HIBADH: variants seen among roughly 807,000 people sequenced by gnomAD.
HIBADH encodes 3-hydroxyisobutyrate dehydrogenase, mitochondrial.
HIBADH carries 25 observed loss-of-function variants against 36.1 expected under a neutral mutation model. That is an observed-to-expected ratio of 0.69 (90% CI 0.50 to 0.97). The LOEUF (loss-of-function observed/expected upper bound fraction) is 0.97, where lower values mean the gene tolerates loss of function less well. Among genes scored for constraint, HIBADH ranks in the 50% least tolerant of loss-of-function variants. The pLI is 0.00. For synonymous variants in HIBADH, 160 were observed against 149.5 expected (o/e 1.07, Z -0.51); for missense variants, 421 against 418.0 (o/e 1.01, Z -0.06).
At chr7:27,570,578 T>C (rs1422630742) in intron 4 of HIBADH, among the ~76,000 whole-genome samples, 2 of 151,990 alleles carry the variant, frequency 1.3e-5, no homozygotes, top group Admixed American at 6.5e-5. Context: ...TCTGGAGTGA[T>C]AGAAACTCCC....
chr7:27,628,223 A>C (rs573939373), intron 4 of HIBADH, among the ~76,000 whole-genome samples: 1 of 152,226 alleles, frequency 6.6e-6, no homozygotes, highest in East Asian at 1.9e-4. Flanking sequence ...TCAATATAAC[A>C]ATCAGAAGAG....
chr7:27,543,122 G>A (rs1784182737), intron 4 of HIBADH, 22 bp from the exon 5 acceptor site: 1 of 1,611,138 alleles, frequency 6.2e-7, no homozygotes, highest in African/African-American at 1.3e-5. Flanking sequence ...GGGGGTAAAG[G>A]GATAGAAGCA....
intron 4 of HIBADH, among the ~76,000 whole-genome samples, chr7:27,611,098 G>GT (rs1195914970): frequency 6.6e-6 from 1 of 152,108 alleles, no homozygotes; most frequent in Non-Finnish European, 1.5e-5. Context: ...ATAAAATTTG[G>GT]TTTTCTGGTA....
intron 4 of HIBADH, among the ~76,000 whole-genome samples, chr7:27,609,212 C>T (rs1785282863): frequency 6.6e-6 from 1 of 152,210 alleles, no homozygotes; most frequent in Non-Finnish European, 1.5e-5. Context: ...CGACAAACTG[C>T]TGGAGCTGCC....
intron 4 of HIBADH, among the ~76,000 whole-genome samples, chr7:27,565,747 C>G (rs1437902621): frequency 6.6e-6 from 1 of 152,126 alleles, no homozygotes; most frequent in Non-Finnish European, 1.5e-5. Context: ...TAGTCTTTCA[C>G]TACAAAGTAT....
In HIBADH at chr7:27,543,031, G is replaced by A. The variant is rs761707613; in HGVS notation, c.554C>T (p.Ala185Val). 6.2e-7 allele frequency: 1 copy of A among 1,613,794 alleles called. No homozygotes were observed. Among genetic ancestry groups the A allele is most frequent in the East Asian group, 2.2e-5 (1 of 44,852 alleles). Reference protein sequence around the residue: ...VGGVEDEFAAAQELLGCMGSN... With the variant: ...VGGVEDEFAAVQELLGCMGSN... ...GCCCATGCACCCCAGCAACTCTTGG[G>A]CAGCAGCAAATTCATCTTCAACTCC... The change falls in exon 5 of 8, where the codon GCC becomes GTC. Residue 185 changes from alanine to valine, a missense_variant. Physicochemically the swap from Ala to Val is moderately conservative, Grantham distance 64 (BLOSUM62 0). Transcript: ENST00000265395.
At chr7:27,659,939 C>T (rs1000343008) in intron 1 of HIBADH, among the ~76,000 whole-genome samples, 4 of 152,060 alleles carry the variant, frequency 2.6e-5, no homozygotes, top group Non-Finnish European at 5.9e-5. Flanking sequence ...ACCCTGCAAT[C>T]CTAACTACTT....
chr7:27,537,050 T>C (rs1407312010), intron 6 of HIBADH, among the ~76,000 whole-genome samples: 2 of 152,208 alleles, frequency 1.3e-5, no homozygotes, highest in African/African-American at 2.4e-5. Flanking sequence ...AGAATGAACA[T>C]GAAAACAAGT....
chr7:27,640,511 CAGAG>C (rs1168321373), intron 2 of HIBADH, among the ~76,000 whole-genome samples: 3 of 152,164 alleles, frequency 2.0e-5, no homozygotes, highest in African/African-American at 7.2e-5. Flanking sequence ...GCCTGGGTGA[CAGAG>C]AGAGACCCTG....
At chr7:27,625,006 C>A (rs971181713) in intron 4 of HIBADH, among the ~76,000 whole-genome samples, 5 of 151,892 alleles carry the variant, frequency 3.3e-5, no homozygotes, top group African/African-American at 9.7e-5. Flanking sequence ...ATGTATATCA[C>A]AATAGAAAGA....
chr7:27,645,063 TGATA>T (rs1786037657), intron 2 of HIBADH, among the ~76,000 whole-genome samples: 2 of 152,210 alleles, frequency 1.3e-5, no homozygotes, highest in Non-Finnish European at 2.9e-5. Flanking sequence ...TTCTATCCGC[TGATA>T]GATTTTTGCG....
intron 4 of HIBADH, among the ~76,000 whole-genome samples, chr7:27,552,551 TA>T (rs1345319695): frequency 6.6e-6 from 1 of 152,212 alleles, no homozygotes; most frequent in Non-Finnish European, 1.5e-5. Context: ...TCTGCTGCAT[TA>T]TGCACAAAGC....
chr7:27,615,151 C>T (rs1272949507), intron 4 of HIBADH, among the ~76,000 whole-genome samples: 6 of 151,972 alleles, frequency 3.9e-5, no homozygotes, highest in East Asian at 3.9e-4. Flanking sequence ...AAGCAGTTGC[C>T]GGGGTAAATA....
rs60189109 is a variant in HIBADH at position 27,589,033 on chromosome 7, T to C, written c.484+40338A>G. ...GTATGTGAATAATATGTATGAAAATTAGGAACTATCTGCATTTGCAGGGAC... is the reference window on the plus strand; with the variant it reads ...GTATGTGAATAATATGTATGAAAATCAGGAACTATCTGCATTTGCAGGGAC... On this transcript the variant is annotated intron_variant, in intron 4 of 7. Coordinates refer to ENST00000265395, the MANE Select transcript of HIBADH (RefSeq NM_152740.4). 4.8e-3 allele frequency among the ~76,000 whole-genome samples: 728 copies of C among 152,324 alleles called. 5 individuals are homozygous for C. The highest frequency in any genetic ancestry group is 0.017 in the African/African-American group (701 of 41,564).
At position 27,662,683 on chromosome 7, in the gene HIBADH, G is replaced by C; in HGVS notation, c.91+15C>G. ...CCGAAAGAAGGACAAGGGGGAGGAG[G>C]CGTGAGGTCCTTACCCGCTGCAAAG... On this transcript the variant is annotated intron_variant, in intron 1 of 7. Coordinates refer to ENST00000265395, the MANE Select transcript of HIBADH (RefSeq NM_152740.4). The C allele has an allele frequency of 7.7e-7, 1 of 1,300,268 alleles. No homozygotes were observed. Among genetic ancestry groups the C allele is most frequent in the Non-Finnish European group, 9.9e-7 (1 of 1,011,634 alleles). 80.5% of individuals were successfully genotyped at this position (1,300,268 alleles called of 1,614,324 possible).
At position 27,634,237 on chromosome 7, in the gene HIBADH, CTA is replaced by C. The variant is rs1014519670; in HGVS notation, c.253-1794_253-1793del. 7.5e-4 allele frequency among the ~76,000 whole-genome samples: 114 copies of C among 152,216 alleles called. 2 individuals carry two copies. The highest frequency in any genetic ancestry group is 2.5e-3 in the African/African-American group (105 of 41,536). On this transcript the variant is annotated intron_variant, in intron 2 of 7. Transcript: ENST00000265395. ...AGATATTCTCTTTTAATGTTTCACT[CTA>C]AAGACAATACAGCATTTTATAATCT...
intron 4 of HIBADH, among the ~76,000 whole-genome samples, chr7:27,580,819 A>G (rs1205729182): frequency 6.6e-6 from 1 of 152,214 alleles, no homozygotes; most frequent in East Asian, 1.9e-4. Flanking sequence ...ACTCCTAGAA[A>G]TTGATTTAAT....
intron 2 of HIBADH, among the ~76,000 whole-genome samples, chr7:27,639,954 C>A (rs564534698): frequency 6.6e-6 from 1 of 152,088 alleles, no homozygotes; most frequent in Non-Finnish European, 1.5e-5. Flanking sequence ...CTGAGAAATG[C>A]GTTGTGAGAA....
At chr7:27,560,964 CTTG>C (rs1784457612) in intron 4 of HIBADH, among the ~76,000 whole-genome samples, 1 of 152,294 alleles carries the variant, frequency 6.6e-6, no homozygotes, top group African/African-American at 2.4e-5. Context: ...CTCAACACCA[CTTG>C]TTTTCTATTT....
Sources: gnomAD v4.1 joint callset for allele counts (sites outside exome capture counted in the v4.1 genomes callset) on GRCh38, gnomAD v4.1.1 for gene constraint, MANE v1.5 for transcripts, NCBI Gene and HGNC (gene_info 2026-07-23, HGNC 2026-07-21) for gene names.